Variants in CIMAP1D observed in about 807,000 individuals in gnomAD.
The protein encoded by CIMAP1D is CIMAP1 family member D, also known as protein CIMAP1D.
the CIMAP1D span, among the ~76,000 whole-genome samples, chr19:484,144 T>TC: frequency 2.2e-5 from 3 of 138,068 alleles, no homozygotes; most frequent in African/African-American, 5.9e-5. Flanking sequence ...TTTTTCTTTT[T>TC]TTTTTTTTTT....
the CIMAP1D span, among the ~76,000 whole-genome samples, chr19:479,748 G>T: frequency 6.6e-6 from 1 of 150,832 alleles, no homozygotes; most frequent in Non-Finnish European, 1.5e-5. Context: ...ATGTTGGCCA[G>T]GCTGGTCTCG....
At chr19:481,398 G>GGGAAGGATGATGGAGAAGGATGAT in the CIMAP1D span, among the ~76,000 whole-genome samples, 3,549 of 94,958 alleles carry the variant, frequency 0.037, 399 homozygotes, top group African/African-American at 0.15. Flanking sequence ...GAAGGATGAT[G>GGGAAGGATGATGGAGAAGGATGAT]GGGAAGGATG....
At chr19:482,072 G>A in the CIMAP1D span, among the ~76,000 whole-genome samples, 6 of 151,972 alleles carry the variant, frequency 3.9e-5, no homozygotes, top group African/African-American at 1.2e-4. Context: ...CACCATGCTC[G>A]GCCATTTTTA....
the CIMAP1D span, among the ~76,000 whole-genome samples, chr19:478,275 A>G: frequency 1.3e-5 from 2 of 152,040 alleles, no homozygotes; most frequent in Non-Finnish European, 2.9e-5. Flanking sequence ...TGTTCCCCCA[A>G]CCCCATCCCT....
At chr19:491,191 C>A in the CIMAP1D span, among the ~76,000 whole-genome samples, 1 of 149,840 alleles carries the variant, frequency 6.7e-6, no homozygotes, top group East Asian at 2.0e-4. Context: ...GCGGGAGAAT[C>A]GCTTGAACCC....
At chr19:485,304 G>A in the CIMAP1D span, among the ~76,000 whole-genome samples, 2 of 152,312 alleles carry the variant, frequency 1.3e-5, no homozygotes, top group East Asian at 3.9e-4. Flanking sequence ...ATAGGAACAC[G>A]AAGAGGCAGG....
At chr19:473,427 A>G in the CIMAP1D span, among the ~76,000 whole-genome samples, 1 of 113,488 alleles carries the variant, frequency 8.8e-6, no homozygotes, top group Admixed American at 9.8e-5. Flanking sequence ...AGGCCCAGGC[A>G]GAGATACACG....
At chr19:478,135 G>A in the CIMAP1D span, among the ~76,000 whole-genome samples, 5 of 152,188 alleles carry the variant, frequency 3.3e-5, no homozygotes, top group South Asian at 2.1e-4. Context: ...GATGGGTGCC[G>A]AGGAGGGAGA....
At chr19:475,394 G>A in the CIMAP1D span, among the ~76,000 whole-genome samples, 11 of 152,284 alleles carry the variant, frequency 7.2e-5, no homozygotes, top group East Asian at 7.7e-4. Flanking sequence ...AGAGAAAGTC[G>A]TCAGTAAATG....
the CIMAP1D span, among the ~76,000 whole-genome samples, chr19:469,691 AAAAAG>A: frequency 7.1e-6 from 1 of 140,530 alleles, no homozygotes; most frequent in Admixed American, 6.9e-5. Context: ...ACTCAGTCTC[AAAAAG>A]AAAAAGAAAA....
chr19:475,282 C>G, the CIMAP1D span, among the ~76,000 whole-genome samples: 2 of 152,174 alleles, frequency 1.3e-5, no homozygotes, highest in African/African-American at 4.8e-5. Context: ...TCATTCCTGC[C>G]AAAGCATGTA....
chr19:485,750 G>A, the CIMAP1D span, among the ~76,000 whole-genome samples: 8 of 152,326 alleles, frequency 5.3e-5, no homozygotes, highest in Admixed American at 1.3e-4. Flanking sequence ...CCAGGAGGCC[G>A]GGTTCCTCCG....
the CIMAP1D span, chr19:489,860 C>G: frequency 5.2e-6 from 2 of 382,370 alleles, no homozygotes; most frequent in East Asian, 7.5e-5. Flanking sequence ...GGCCGCCGGC[C>G]TGCAGGCGAG....
chr19:481,112 AG>A, the CIMAP1D span, among the ~76,000 whole-genome samples: 1,568 of 106,170 alleles, frequency 0.015, 2 homozygotes, highest in Admixed American at 0.018. Flanking sequence ...ACGATGATGG[AG>A]AAGGAATGTG....
the CIMAP1D span, among the ~76,000 whole-genome samples, chr19:482,524 A>G: frequency 1.3e-5 from 2 of 152,204 alleles, no homozygotes; most frequent in Non-Finnish European, 2.9e-5. Flanking sequence ...TCAAATGTCA[A>G]TGGTGTCAAG....
At chr19:483,675 A>T in the CIMAP1D span, among the ~76,000 whole-genome samples, 63,503 of 151,840 alleles carry the variant, frequency 0.42, 14,965 homozygotes, top group African/African-American at 0.65. Context: ...GGACCACCCC[A>T]CCTGGGATGT....
At chr19:481,310 GAGAACGATGATGGA>G in the CIMAP1D span, among the ~76,000 whole-genome samples, 9 of 108,182 alleles carry the variant, frequency 8.3e-5, no homozygotes, top group Admixed American at 1.8e-4. Context: ...AAGGATGATG[GAGAACGATGATGGA>G]GAAGGATGAT....
chr19:472,448 C>T, the CIMAP1D span: 9 of 1,547,910 alleles, frequency 5.8e-6, no homozygotes, highest in Admixed American at 5.9e-5. Flanking sequence ...CTGGTGCAGT[C>T]GTGGTTGATG....
chr19:471,388 T>A, the CIMAP1D span, among the ~76,000 whole-genome samples: 19 of 151,814 alleles, frequency 1.3e-4, no homozygotes, highest in Non-Finnish European at 2.8e-4. Context: ...GACCTCGGGA[T>A]CCCCCCGCCT....
Sources: allele counts gnomAD v4.1 joint callset (sites outside exome capture counted in the v4.1 genomes callset), GRCh38; gene constraint gnomAD v4.1.1; transcripts MANE v1.5; gene names NCBI Gene and HGNC (gene_info 2026-07-23, HGNC 2026-07-21).